Variants in ELK3 observed in about 807,000 individuals in gnomAD.
ELK3 encodes the protein ETS domain-containing protein Elk-3.
ELK3 carries 10 observed loss-of-function variants against 28.9 expected under a neutral mutation model. The observed-to-expected ratio is 0.35, with a 90% CI of 0.21 to 0.59. The LOEUF (loss-of-function observed/expected upper bound fraction) is 0.59, where lower values mean the gene tolerates loss of function less well. Ranked by LOEUF, ELK3 falls within the 20% of genes least tolerant of loss-of-function variation. The probability of loss-of-function intolerance (pLI) is 0.82; values close to 1 mark genes in which losing one functional copy is unlikely to be tolerated. For missense variants in ELK3, 463 were observed against 517.3 expected, an observed-to-expected ratio of 0.90 and a Z score of 1.02; for synonymous variants, 272 against 243.5, an observed-to-expected ratio of 1.12 and a Z score of -1.09.
At chr12:96,225,557 T>C (rs1466689695) in intron 2 of ELK3, among the ~76,000 whole-genome samples, 1 of 152,246 alleles carries the variant, frequency 6.6e-6, no homozygotes. Flanking sequence ...CCTTGTCTCC[T>C]TTAAACTTTA....
intron 3 of ELK3, among the ~76,000 whole-genome samples, chr12:96,248,261 A>G (rs1365899036): frequency 6.6e-6 from 1 of 152,256 alleles, no homozygotes; most frequent in Non-Finnish European, 1.5e-5. Flanking sequence ...TGCTTCGCTG[A>G]AAGCAGCACT....
At chr12:96,242,204 TC>T (rs1951826521) in intron 2 of ELK3, among the ~76,000 whole-genome samples, 1 of 152,330 alleles carries the variant, frequency 6.6e-6, no homozygotes, top group Middle Eastern at 3.4e-3. Flanking sequence ...TGTGCTTGTG[TC>T]CCGGGCTGCC....
chr12:96,199,931 GATCT>G (rs1951498142), intron 1 of ELK3, among the ~76,000 whole-genome samples: 1 of 151,928 alleles, frequency 6.6e-6, no homozygotes, highest in African/African-American at 2.4e-5. Context: ...CTAAAACAAG[GATCT>G]ATTTATGACA....
Position 96,268,485 on chromosome 12 carries a change from T to G in ELK3, c.*1305T>G, listed in dbSNP as rs1952059073. 6.6e-6 allele frequency: 1 copy of G among 152,186 alleles called. No homozygotes were observed. Among genetic ancestry groups the G allele is most frequent in the Non-Finnish European group, 1.5e-5 (1 of 68,016 alleles). 9.4% of individuals were successfully genotyped at this position (152,186 alleles called of 1,614,324 possible). A position where few individuals can be genotyped will look rare whatever the true frequency, so the allele number is the denominator to read the frequency against. On this transcript the variant is annotated 3_prime_UTR_variant, in exon 5 of 5. Coordinates refer to ENST00000228741, the MANE Select transcript of ELK3 (RefSeq NM_005230.4). The stretch of plus-strand genomic sequence containing the variant: ...TTGGAGCAGTGATAATACAGACATA[T>G]TTTCTGTTCCATCAGAAAATCAGCA...
intron 4 of ELK3, 100 bp downstream of exon 4, chr12:96,259,953 T>C (rs1310903680): frequency 1.4e-6 from 2 of 1,431,268 alleles, no homozygotes; most frequent in African/African-American, 2.9e-5. Flanking sequence ...ATATGTTGAG[T>C]TGAAATATTA....
intron 1 of ELK3, among the ~76,000 whole-genome samples, chr12:96,205,281 G>A (rs1350617644): frequency 6.6e-6 from 1 of 152,148 alleles, no homozygotes; most frequent in Non-Finnish European, 1.5e-5. Flanking sequence ...ACAGAGAGGG[G>A]ACCAAACCAT....
chr12:96,256,121 C>T (rs558173488), intron 3 of ELK3, among the ~76,000 whole-genome samples: 5 of 152,162 alleles, frequency 3.3e-5, no homozygotes, highest in East Asian at 1.9e-4. Flanking sequence ...ATGGGGAGAC[C>T]GGAGGCAGGT....
chr12:96,232,757 CAAAAA>C (rs58238317), intron 2 of ELK3, among the ~76,000 whole-genome samples: 4 of 151,366 alleles, frequency 2.6e-5, no homozygotes, highest in African/African-American at 4.9e-5. Flanking sequence ...CAAAAACAAA[CAAAAA>C]AAAGCCCCCA....
chr12:96,195,491 T>C (rs1437428767), intron 1 of ELK3, among the ~76,000 whole-genome samples: 1 of 152,130 alleles, frequency 6.6e-6, no homozygotes, highest in Non-Finnish European at 1.5e-5. Context: ...CTGTAACTTT[T>C]GGGGAGGCGG....
chr12:96,214,640 GATA>G (rs1474724021), intron 1 of ELK3, among the ~76,000 whole-genome samples: 1 of 152,168 alleles, frequency 6.6e-6, no homozygotes, highest in African/African-American at 2.4e-5. Context: ...TATACACAGT[GATA>G]ATGATCAAAA....
At chr12:96,244,276 A>T (rs1438698215) in intron 2 of ELK3, among the ~76,000 whole-genome samples, 1 of 152,026 alleles carries the variant, frequency 6.6e-6, no homozygotes, top group Admixed American at 6.5e-5. Context: ...GTTCTTTTTA[A>T]CACAGCAAGG....
At chr12:96,214,996 T>C (rs1951601325) in intron 1 of ELK3, among the ~76,000 whole-genome samples, 1 of 152,192 alleles carries the variant, frequency 6.6e-6, no homozygotes, top group Non-Finnish European at 1.5e-5. Context: ...TCTTCATTTC[T>C]CTAACCATGC....
At chr12:96,218,295 A>G (rs1336502805) in intron 1 of ELK3, among the ~76,000 whole-genome samples, 1 of 152,134 alleles carries the variant, frequency 6.6e-6, no homozygotes, top group Non-Finnish European at 1.5e-5. Context: ...TGAAGGGGGC[A>G]CCTCTTCCTG....
intron 4 of ELK3, among the ~76,000 whole-genome samples, chr12:96,262,816 CT>C (rs777970376): frequency 3.5e-3 from 504 of 143,210 alleles, no homozygotes; most frequent in Non-Finnish European, 3.7e-3. Context: ...TTTTTAAGAA[CT>C]TTTTTTTTTT....
chr12:96,219,791 C>T lies in ELK3; in HGVS notation c.-2-3774C>T, dbSNP rs578262684. Among the ~76,000 whole-genome samples the T allele has an allele frequency of 1.5e-4, 23 of 152,230 alleles. No individual in the cohort carries two copies. The South Asian group carries it at 3.1e-3, about 21-fold the overall frequency. ...ATAAGCTCACAGGAAAGTAGTTTTT[C>T]GACTTAGCTCTGAGTAATGTCTGGC... On this transcript the variant is annotated intron_variant, in intron 1 of 4. Transcript: ENST00000228741.
In ELK3 at chr12:96,247,383, C is replaced by T. The variant is rs140155479; in HGVS notation, c.651C>T (p.Ser217=). Residue 217 remains serine (S), a synonymous_variant, in exon 3 of 5, where the codon TCC becomes TCT. Transcript: ENST00000228741. The surrounding 1 kb of genome is among the most constrained non-coding windows in gnomAD (Gnocchi z 5.5). ...CGGCGTCCGCCTTCCTGGCCTCGTCCGTCTCGGCCAAGATCTCCTCTTTAA... is the reference window on the plus strand; with the variant it reads ...CGGCGTCCGCCTTCCTGGCCTCGTCTGTCTCGGCCAAGATCTCCTCTTTAA... ...AAAASAFLAS[S]VSAKISSLML... 4.2e-5 allele frequency: 67 copies of T among 1,614,052 alleles called. No individual in the cohort carries two copies. The highest frequency in any genetic ancestry group is 1.6e-4 in the Middle Eastern group (1 of 6,084).
chr12:96,235,097 C>T (rs1951771691), intron 2 of ELK3, among the ~76,000 whole-genome samples: 1 of 152,074 alleles, frequency 6.6e-6, no homozygotes, highest in African/African-American at 2.4e-5. Flanking sequence ...TGGAGCGTGG[C>T]ACTCCTCTGC....
rs117476226 is a variant in ELK3 at position 96,236,796 on chromosome 12, C to T, written c.208-10144C>T. ...CCAGGGCTGCTGTAACAAATGACCC[C>T]AAACTTGGTGGCTCAAAACAATAGA... On this transcript the variant is annotated intron_variant, in intron 2 of 4. Transcript: ENST00000228741. 8.5e-4 allele frequency among the ~76,000 whole-genome samples: 129 copies of T among 152,328 alleles called. 1 individual carries two copies. The East Asian group carries it at 0.016, about 18-fold the overall frequency.
intron 4 of ELK3, among the ~76,000 whole-genome samples, chr12:96,266,034 C>G (rs938374647): frequency 6.6e-6 from 1 of 152,144 alleles, no homozygotes. Flanking sequence ...CTTTAGCCAA[C>G]AGAACTTATT....
Sources: allele counts gnomAD v4.1 joint callset (sites outside exome capture counted in the v4.1 genomes callset), GRCh38; gene constraint gnomAD v4.1.1; non-coding constraint Gnocchi (gnomAD v3.1); transcripts MANE v1.5; gene names NCBI Gene and HGNC (gene_info 2026-07-23, HGNC 2026-07-21).